Variants in MSRA observed in about 807,000 individuals in gnomAD.
The protein encoded by MSRA is mitochondrial peptide methionine sulfoxide reductase.
Under a neutral mutation model 31.3 loss-of-function variants are expected in MSRA, and 54 were observed. The ratio of observed to expected loss-of-function variants is 1.73; its 90% CI spans 1.39 to 2.17. The LOEUF is 2.17. MSRA is among the 30% of genes most tolerant of loss of function. The probability of loss-of-function intolerance (pLI) is 0.00; values close to 1 mark genes in which losing one functional copy is unlikely to be tolerated. For missense variants in MSRA, 507 were observed against 300.9 expected, an observed-to-expected ratio of 1.69 and a Z score of -5.07; for synonymous variants, 169 against 116.5, an observed-to-expected ratio of 1.45 and a Z score of -2.90.
chr8:10,339,837 G>A lies in MSRA; in HGVS notation c.543+19848G>A, dbSNP rs74586784. On this transcript the variant is annotated intron_variant, in intron 5 of 5. Coordinates refer to ENST00000317173, the MANE Select transcript of MSRA (RefSeq NM_012331.5). The stretch of plus-strand genomic sequence containing the variant: ...ATTACAGGCGTGAGCCACCACGCCC[G>A]GCAGCAAGGGGTTTTCAATACAGGC... Among the ~76,000 whole-genome samples the A allele has an allele frequency of 2.8e-4, 42 of 151,352 alleles. 1 individual carries two copies. The highest frequency in any genetic ancestry group is 2.0e-3 in the East Asian group (10 of 5,040).
intron 1 of MSRA, among the ~76,000 whole-genome samples, chr8:10,125,472 C>T (rs1801432168): frequency 6.6e-6 from 1 of 152,122 alleles, no homozygotes; most frequent in Non-Finnish European, 1.5e-5. Flanking sequence ...TGCAGTGGTA[C>T]CAGGGCCAGA....
intron 3 of MSRA, among the ~76,000 whole-genome samples, chr8:10,278,818 C>G (rs1011276335): frequency 6.6e-6 from 1 of 152,188 alleles, no homozygotes; most frequent in Non-Finnish European, 1.5e-5. Context: ...AAGTTGATTT[C>G]AAAGGACCTG....
chr8:10,195,581 A>G (rs1807899236), intron 1 of MSRA, among the ~76,000 whole-genome samples: 1 of 152,164 alleles, frequency 6.6e-6, no homozygotes, highest in Non-Finnish European at 1.5e-5. Context: ...TTCCTGTAGA[A>G]TCTTCTTTGT....
At chr8:10,116,728 G>A (rs941876886) in intron 1 of MSRA, among the ~76,000 whole-genome samples, 2 of 152,164 alleles carry the variant, frequency 1.3e-5, no homozygotes, top group African/African-American at 2.4e-5. Context: ...AGCACTTTGG[G>A]AGGCTGAGGC....
chr8:10,138,309 C>T (rs959437580), intron 1 of MSRA, among the ~76,000 whole-genome samples: 1 of 152,094 alleles, frequency 6.6e-6, no homozygotes, highest in Admixed American at 6.5e-5. Flanking sequence ...TACAGAAAAG[C>T]TTGAAGATGG....
At chr8:10,210,832 C>G (rs1809415817) in intron 2 of MSRA, among the ~76,000 whole-genome samples, 5 of 151,594 alleles carry the variant, frequency 3.3e-5, no homozygotes, top group Admixed American at 2.0e-4. Context: ...TTCCCGAGTT[C>G]AAGCGATTCT....
chr8:10,248,973 G>C (rs1201078375), intron 3 of MSRA, among the ~76,000 whole-genome samples: 1 of 152,196 alleles, frequency 6.6e-6, no homozygotes, highest in East Asian at 1.9e-4. Flanking sequence ...TAGGATTTCA[G>C]AGTAACCTAG....
At chr8:10,157,962 G>A (rs1473009492) in intron 1 of MSRA, among the ~76,000 whole-genome samples, 1 of 152,120 alleles carries the variant, frequency 6.6e-6, no homozygotes, top group Non-Finnish European at 1.5e-5. Flanking sequence ...CCATATACTG[G>A]GTGGCTTATA....
At chr8:10,341,773 C>G (rs993549718) in intron 5 of MSRA, among the ~76,000 whole-genome samples, 5 of 152,182 alleles carry the variant, frequency 3.3e-5, no homozygotes, top group Admixed American at 2.6e-4. Context: ...TGCCAAGCTC[C>G]CGACTCGCAA....
chr8:10,236,075 C>G lies in MSRA; in HGVS notation c.212-9029C>G, dbSNP rs147422117. ...AAGCATGCATTGTTAATATTCAGAACTCATGCATGATAAAAAGCTTTTCAA... is the reference window on the plus strand; with the variant it reads ...AAGCATGCATTGTTAATATTCAGAAGTCATGCATGATAAAAAGCTTTTCAA... On this transcript the variant is annotated intron_variant, in intron 2 of 5. Coordinates refer to ENST00000317173, the MANE Select transcript of MSRA (RefSeq NM_012331.5). 2.0e-5 allele frequency among the ~76,000 whole-genome samples: 3 copies of G among 152,230 alleles called. No individual in the cohort carries two copies. The East Asian group carries it at 5.8e-4, about 29-fold the overall frequency.
intron 2 of MSRA, among the ~76,000 whole-genome samples, chr8:10,228,958 C>T (rs1039496404): frequency 6.6e-6 from 1 of 152,068 alleles, no homozygotes; most frequent in Non-Finnish European, 1.5e-5. Flanking sequence ...TTTATTTACT[C>T]ACTGATCACA....
intron 1 of MSRA, among the ~76,000 whole-genome samples, chr8:10,101,558 A>T (rs1799531013): frequency 6.6e-6 from 1 of 152,148 alleles, no homozygotes; most frequent in Admixed American, 6.5e-5. Context: ...CCGCAACAGA[A>T]TCGTGGCAAC....
chr8:10,380,540 A>C (rs1319943979), intron 5 of MSRA, among the ~76,000 whole-genome samples: 2 of 152,204 alleles, frequency 1.3e-5, no homozygotes. Flanking sequence ...GGTTAGCCCA[A>C]AGTAGACTCT....
chr8:10,388,915 A>G (rs1436429155), intron 5 of MSRA, among the ~76,000 whole-genome samples: 1 of 151,886 alleles, frequency 6.6e-6, no homozygotes, highest in Non-Finnish European at 1.5e-5. Flanking sequence ...TCCCCTGGTC[A>G]TTACCGAATG....
intron 5 of MSRA, among the ~76,000 whole-genome samples, chr8:10,397,862 A>G (rs1807197872): frequency 6.6e-6 from 1 of 152,214 alleles, no homozygotes; most frequent in Non-Finnish European, 1.5e-5. Flanking sequence ...AATTACCAAA[A>G]AAAAGGAGAA....
chr8:10,102,144 A>G (rs1015549349), intron 1 of MSRA, among the ~76,000 whole-genome samples: 1 of 152,100 alleles, frequency 6.6e-6, no homozygotes, highest in Non-Finnish European at 1.5e-5. Flanking sequence ...TTTGGGGCTC[A>G]TTCACCTTCT....
intron 3 of MSRA, among the ~76,000 whole-genome samples, chr8:10,300,753 C>A (rs985653221): frequency 1.3e-5 from 2 of 152,092 alleles, no homozygotes; most frequent in African/African-American, 4.8e-5. Flanking sequence ...GCCTAGTGAT[C>A]TTAGTATGGA....
chr8:10,302,178 T>C (rs1471738156), intron 4 of MSRA, among the ~76,000 whole-genome samples: 1 of 152,272 alleles, frequency 6.6e-6, no homozygotes, highest in Non-Finnish European at 1.5e-5. Flanking sequence ...GAATTTGTTA[T>C]GTGGAGATAT....
intron 5 of MSRA, among the ~76,000 whole-genome samples, chr8:10,353,057 G>A (rs1309453467): frequency 6.6e-6 from 1 of 152,058 alleles, no homozygotes; most frequent in African/African-American, 2.4e-5. Context: ...TAGGGGGAGA[G>A]GTGGAGAGAG....
Sources: gnomAD v4.1 joint callset for allele counts (sites outside exome capture counted in the v4.1 genomes callset) on GRCh38, gnomAD v4.1.1 for gene constraint, MANE v1.5 for transcripts, NCBI Gene and HGNC (gene_info 2026-07-23, HGNC 2026-07-21) for gene names.